Variants in CMYA5 observed in about 807,000 individuals in gnomAD.
CMYA5 encodes the protein cardiomyopathy-associated protein 5.
A neutral mutation model predicts 318.9 loss-of-function variants in CMYA5; 246 were observed. That is an observed-to-expected ratio of 0.77 (90% CI 0.70 to 0.86). CMYA5 has a LOEUF of 0.86. Ranked by LOEUF, CMYA5 falls within the 40% of genes least tolerant of loss-of-function variation. The probability of loss-of-function intolerance (pLI) is 0.00; values close to 1 mark genes in which losing one functional copy is unlikely to be tolerated. For missense variants in CMYA5, 4,589 were observed against 4,678.2 expected (o/e 0.98, Z 0.56); for synonymous variants, 1,641 against 1,729.5 (o/e 0.95, Z 1.27).
rs1359583117 is a variant in CMYA5 at position 79,735,094 on chromosome 5, C to T, written c.6329C>T (p.Ser2110Leu). ...KPLEESKMVQ[S>L]KVIDDADEGK... ...TTGGAAGAATCAAAAATGGTTCAGT[C>T]AAAGGTTATTGATGATGCTGATGAG... The change falls in exon 2 of 13, where the codon TCA (serine) becomes TTA (leucine). Residue 2110 changes from serine to leucine, a missense_variant. Transcript: ENST00000446378. 2 of 1,613,754 alleles carry T rather than the reference C, an allele frequency of 1.2e-6. No individual in the cohort carries two copies. The highest frequency in any genetic ancestry group is 2.2e-5 in the South Asian group (2 of 91,054).
intron 1 of CMYA5, among the ~76,000 whole-genome samples, chr5:79,713,814 G>A (rs895185812): frequency 3.3e-5 from 5 of 152,268 alleles, no homozygotes; most frequent in Admixed American, 6.5e-5. Context: ...CGGCCCACAT[G>A]TAGTATTTTG....
rs1407176843 is a variant in CMYA5 at position 79,736,832 on chromosome 5, C to G, written c.8067C>G (p.Ile2689Met). Residue 2689 changes from isoleucine to methionine, a missense_variant, in exon 2 of 13, where the codon ATC (isoleucine) becomes ATG (methionine). Physicochemically the swap from Ile to Met is conservative, Grantham distance 10. This residue lies in a region of CMYA5 where 2,431 missense variants were observed against 2,495.1 expected (regional missense o/e 0.97). Coordinates refer to ENST00000446378, the MANE Select transcript of CMYA5 (RefSeq NM_153610.5). Reference protein sequence around the residue: ...SELSKGGSVDITKETVKQGFQ... With the variant: ...SELSKGGSVDMTKETVKQGFQ... Reference sequence around the variant, plus strand: ...TATCGAAAGGCGGTTCAGTAGATATCACAAAAGAAACTGTGAAACAAGGAT... The same window carrying G: ...TATCGAAAGGCGGTTCAGTAGATATGACAAAAGAAACTGTGAAACAAGGAT... 1 of 1,610,294 alleles carries G rather than the reference C, an allele frequency of 6.2e-7. No homozygotes were observed.
intron 3 of CMYA5, among the ~76,000 whole-genome samples, chr5:79,744,274 A>G (rs1309987961): frequency 1.3e-5 from 2 of 152,226 alleles, no homozygotes; most frequent in African/African-American, 4.8e-5. Context: ...CAAGTCTTAG[A>G]GTACATTCCT....
intron 11 of CMYA5, among the ~76,000 whole-genome samples, chr5:79,791,713 CAAAAAAA>C (rs61063837): frequency 1.1e-5 from 1 of 92,052 alleles, no homozygotes; most frequent in East Asian, 2.3e-4. Context: ...GACTCTGTCT[CAAAAAAA>C]AAAAAAAAAA....
chr5:79,729,615 A>G lies in CMYA5; in HGVS notation c.850A>G (p.Thr284Ala). The change falls in exon 2 of 13, where the codon ACA becomes GCA. Residue 284 changes from threonine to alanine, a missense_variant. By Grantham distance (58) the Thr-to-Ala change is moderately conservative. Coordinates refer to ENST00000446378, the MANE Select transcript of CMYA5 (RefSeq NM_153610.5). ...TAGTGGTTCTAATACAGTGTCCAAA[A>G]CACGCAAATTAGTAGCCCAAAGCAT... ...DNSGSNTVSK[T>A]RKLVAQSIED... 1.2e-6 allele frequency: 2 copies of G among 1,613,908 alleles called. No individual in the cohort carries two copies. Among genetic ancestry groups the G allele is most frequent in the Middle Eastern group, 1.6e-4 (1 of 6,062 alleles).
intron 9 of CMYA5, among the ~76,000 whole-genome samples, chr5:79,777,233 A>C (rs763033716): frequency 1.2e-4 from 19 of 152,180 alleles, no homozygotes; most frequent in Non-Finnish European, 2.5e-4. Context: ...GATACAAAAG[A>C]GAATACAGTG....
At chr5:79,703,221 T>G (rs1430513217) in intron 1 of CMYA5, among the ~76,000 whole-genome samples, 3 of 152,236 alleles carry the variant, frequency 2.0e-5, no homozygotes, top group Non-Finnish European at 4.4e-5. Flanking sequence ...TACAACACTT[T>G]GTTTAAGCAA....
intron 1 of CMYA5, among the ~76,000 whole-genome samples, chr5:79,719,490 A>C (rs1325725016): frequency 6.6e-6 from 1 of 152,208 alleles, no homozygotes; most frequent in East Asian, 1.9e-4. Flanking sequence ...ACATTTAATG[A>C]AATTCATTTT....
At chr5:79,727,587 T>C (rs575200064) in intron 1 of CMYA5, among the ~76,000 whole-genome samples, 2 of 152,314 alleles carry the variant, frequency 1.3e-5, no homozygotes, top group South Asian at 4.1e-4. Context: ...TGCATATTCC[T>C]AGGAGGAAAT....
chr5:79,766,851 T>G (rs1267392982), intron 9 of CMYA5, among the ~76,000 whole-genome samples: 1 of 152,206 alleles, frequency 6.6e-6, no homozygotes, highest in African/African-American at 2.4e-5. Flanking sequence ...CTTCTTTTTC[T>G]GTTGTTTGGA....
chr5:79,734,556 G>A lies in CMYA5; in HGVS notation c.5791G>A (p.Ala1931Thr). 1 of 1,613,912 alleles carries A rather than the reference G, an allele frequency of 6.2e-7. No homozygotes were observed. ...TGAGCTGAGGCCAGGGCAGCTCAAG[G>A]CTGCTGTGTCCAGTAAGGACCATAC... ...SNELRPGQLKAAVSSKDHTCE... is the reference protein window; with the variant it reads ...SNELRPGQLKTAVSSKDHTCE... The change falls in exon 2 of 13, where the codon GCT becomes ACT. Residue 1931 changes from alanine to threonine, a missense_variant. Coordinates refer to ENST00000446378, the MANE Select transcript of CMYA5 (RefSeq NM_153610.5).
chr5:79,709,980 A>AG (rs1827355056), intron 1 of CMYA5, among the ~76,000 whole-genome samples: 1 of 149,724 alleles, frequency 6.7e-6, no homozygotes, highest in Non-Finnish European at 1.5e-5. Context: ...AAAAAAAAAA[A>AG]AAAAAAAAGA....
At chr5:79,785,124 A>G (rs1829060131) in intron 9 of CMYA5, among the ~76,000 whole-genome samples, 2 of 151,362 alleles carry the variant, frequency 1.3e-5, no homozygotes, top group Admixed American at 1.3e-4. Flanking sequence ...AAGAGACTAT[A>G]TGTTTGGGTC....
rs529760990 is a variant in CMYA5 at position 79,738,517 on chromosome 5, C to T, written c.9752C>T (p.Thr3251Ile). 6.2e-7 allele frequency: 1 copy of T among 1,613,402 alleles called. No homozygotes were observed. The highest frequency in any genetic ancestry group is 1.1e-5 in the South Asian group (1 of 91,076). ...CTCAAAGATGACATTCTCCATGACA[C>T]ATCTCTAACTCAAAAGGACCAGGGC... ...YILKDDILHDTSLTQKDQGQG... is the reference protein window; with the variant it reads ...YILKDDILHDISLTQKDQGQG... Residue 3251 changes from threonine (T) to isoleucine (I), a missense_variant, in exon 2 of 13, where the codon ACA becomes ATA. By Grantham distance (89) the Thr-to-Ile change is moderately conservative. Transcript: ENST00000446378.
At chr5:79,721,546 A>G (rs1827629870) in intron 1 of CMYA5, among the ~76,000 whole-genome samples, 1 of 152,218 alleles carries the variant, frequency 6.6e-6, no homozygotes. Context: ...TATAAGCAAC[A>G]TATCTAAAGT....
chr5:79,734,490 A>G lies in CMYA5; in HGVS notation c.5725A>G (p.Arg1909Gly), dbSNP rs1372614028. ...AAATGTGGCTAGTCAACACGAACAG[A>G]GAATAGCAGGATCTGTGCAGCTGGA... Reference protein sequence around the residue: ...PENVASQHEQRIAGSVQLDSS... With the variant: ...PENVASQHEQGIAGSVQLDSS... Residue 1909 changes from arginine (R) to glycine (G), a missense_variant, in exon 2 of 13, where the codon AGA (arginine) becomes GGA (glycine). By Grantham distance (125) the Arg-to-Gly change is moderately radical. Coordinates refer to ENST00000446378, the MANE Select transcript of CMYA5 (RefSeq NM_153610.5). 1 of 1,613,718 alleles carries G rather than the reference A, an allele frequency of 6.2e-7. No homozygotes were observed. The highest frequency in any genetic ancestry group is 1.7e-5 in the Admixed American group (1 of 59,954).
rs767319198 is a variant in CMYA5, at chr5:79,799,601, T to C, written c.12195T>C (p.Ser4065=). The stretch of plus-strand genomic sequence containing the variant: ...ACCTGGGGATAGAGCCCCCGGATTC[T>C]GTAAGGCACAAGTGATCCTTGGCTT... ...TLHLGIEPPD[S]VRHK Residue 4065 remains serine, a synonymous_variant, in exon 13 of 13, where the codon TCT becomes TCC. Transcript: ENST00000446378. The C allele has an allele frequency of 8.3e-5, 134 of 1,612,332 alleles. No homozygotes were observed. The Admixed American group carries it at 1.6e-3, about 19-fold the overall frequency.
chr5:79,763,210 G>A lies in CMYA5; in HGVS notation c.11555+1G>A, dbSNP rs113278131. On this transcript the variant is annotated splice_donor_variant, in intron 9 of 12. Transcript: ENST00000446378. LOFTEE classifies it high-confidence loss of function. ...ACTCTCCTGAGGGAGAGGGCCTCAG[G>A]TGAGGGGCCCTCTCCATGGGAGAGA... is the stretch of plus-strand genomic sequence containing the variant. 6 of 1,597,472 alleles carry A rather than the reference G, an allele frequency of 3.8e-6. No individual in the cohort carries two copies. The highest frequency in any genetic ancestry group is 5.1e-6 in the Non-Finnish European group (6 of 1,173,534).
chr5:79,711,125 T>C (rs1193503577), intron 1 of CMYA5, among the ~76,000 whole-genome samples: 1 of 152,064 alleles, frequency 6.6e-6, no homozygotes, highest in African/African-American at 2.4e-5. Flanking sequence ...TTAATCTCTT[T>C]GTTTTTTCCC....
Sources: allele counts gnomAD v4.1 joint callset (sites outside exome capture counted in the v4.1 genomes callset), GRCh38; gene constraint gnomAD v4.1.1; regional missense constraint gnomAD v4.1.1; transcripts MANE v1.5; gene names NCBI Gene and HGNC (gene_info 2026-07-23, HGNC 2026-07-21).